The following DOCK9 variants were observed in gnomAD, a reference collection of about 807,000 sequenced individuals.
The protein encoded by DOCK9 is dedicator of cytokinesis 9.
A neutral mutation model predicts 263.3 loss-of-function variants in DOCK9; 89 were observed. That is an observed-to-expected ratio of 0.34 (90% CI 0.28 to 0.40). The LOEUF (loss-of-function observed/expected upper bound fraction) is 0.40. Among genes scored for constraint, DOCK9 ranks in the 10% least tolerant of loss-of-function variants. The pLI, the probability that DOCK9 is intolerant of heterozygous loss-of-function variation, is 1.00. For missense variants in DOCK9, 2,140 were observed against 2,603.4 expected (o/e 0.82, Z 3.87); for synonymous variants, 976 against 973.1 (o/e 1.00, Z -0.06).
chr13:98,889,715 A>G (rs2046331940), intron 15 of DOCK9, among the ~76,000 whole-genome samples: 1 of 151,770 alleles, frequency 6.6e-6, no homozygotes, highest in Non-Finnish European at 1.5e-5. Context: ...TCTTTCAACC[A>G]CCTATACTAC....
At chr13:99,045,316 T>C (rs1888863591) in intron 1 of DOCK9, among the ~76,000 whole-genome samples, 1 of 152,166 alleles carries the variant, frequency 6.6e-6, no homozygotes. Context: ...ATATACACAA[T>C]GAAATATCAT....
rs188113914 is a variant in DOCK9, at chr13:99,029,455, A to G, written c.129+56768T>C. The stretch of plus-strand genomic sequence containing the variant: ...TTTATATTTAATTATCTCTGTTAAA[A>G]TAAGTGGAATAACTTTTGTTTCTAT... On this transcript the variant is annotated intron_variant, in intron 1 of 32. Coordinates refer to the DOCK9 transcript ENST00000427887. Among the ~76,000 whole-genome samples, 72 of 152,356 alleles carry G rather than the reference A, an allele frequency of 4.7e-4. 2 individuals are homozygous for G. In the East Asian group the frequency reaches 0.013, roughly 27 times the overall value.
At chr13:98,981,082 G>T (rs574167851), upstream of DOCK9, among the ~76,000 whole-genome samples, 13 of 150,782 alleles carry the variant, frequency 8.6e-5, 1 homozygote, top group East Asian at 2.5e-3. Flanking sequence ...TTCAAGGCAG[G>T]GTTTGGCTCT....
intron 1 of DOCK9, among the ~76,000 whole-genome samples, chr13:98,986,443 C>T (rs1426499088): frequency 2.6e-5 from 4 of 152,196 alleles, no homozygotes; most frequent in African/African-American, 9.7e-5. Flanking sequence ...GTAAAGTCCA[C>T]CAGAAACTTT....
chr13:98,991,149 A>C (rs907405696), intron 1 of DOCK9, among the ~76,000 whole-genome samples: 3 of 151,508 alleles, frequency 2.0e-5, no homozygotes, highest in Admixed American at 6.6e-5. Flanking sequence ...TTGGCTCACC[A>C]CAACCTCCGC....
intron 1 of DOCK9, among the ~76,000 whole-genome samples, chr13:98,997,110 C>T (rs1339549351): frequency 2.6e-5 from 4 of 152,198 alleles, no homozygotes; most frequent in South Asian, 2.1e-4. Context: ...GAGGGCTTCT[C>T]GAATGTGTAG....
intron 52 of DOCK9, chr13:98,796,149 GTA>G: frequency 7.2e-7 from 1 of 1,388,114 alleles, no homozygotes; most frequent in South Asian, 1.2e-5. Flanking sequence ...ACTCAAAAAA[GTA>G]ATAGCTTTTT....
At chr13:99,023,221 A>T (rs913860735) in intron 1 of DOCK9, among the ~76,000 whole-genome samples, 1 of 152,238 alleles carries the variant, frequency 6.6e-6, no homozygotes, top group African/African-American at 2.4e-5. Flanking sequence ...CCAAGGGGCG[A>T]AAGCAACTGA....
intron 1 of DOCK9, among the ~76,000 whole-genome samples, chr13:99,032,345 G>A (rs536501773): frequency 5.3e-5 from 8 of 152,054 alleles, no homozygotes; most frequent in African/African-American, 1.2e-4. Flanking sequence ...AAGTGGCGGC[G>A]TGTGCCTGTA....
intron 1 of DOCK9, among the ~76,000 whole-genome samples, chr13:98,999,312 A>ACTCT (rs1317087020): frequency 2.7e-5 from 3 of 110,198 alleles, no homozygotes; most frequent in Non-Finnish European, 5.5e-5. Context: ...ACACACACAC[A>ACTCT]CACACTCTCT....
chr13:99,068,669 T>C (rs1191454483), intron 1 of DOCK9, among the ~76,000 whole-genome samples: 2 of 151,458 alleles, frequency 1.3e-5, no homozygotes, highest in East Asian at 3.8e-4. Flanking sequence ...CATCCTTCAG[T>C]TTAAAAAAAA....
At chr13:98,946,440 C>T (rs1198098269) in intron 2 of DOCK9, among the ~76,000 whole-genome samples, 1 of 152,152 alleles carries the variant, frequency 6.6e-6, no homozygotes, top group African/African-American at 2.4e-5. Context: ...CTCCCCCTGC[C>T]CCAGGCCAGC....
In DOCK9 at chr13:98,868,009, T is replaced by C. The variant is rs745617325; in HGVS notation, c.3093A>G (p.Arg1031=). ...AGCCCCTGTCCATGAAGGTGAAACA[T>C]CTCTGTGGAGGAAAACAAGCAAAAA... ...ANHSLAVFIK[R]CFTFMDRGFV... is the part of the protein sequence containing the mutation. The change falls in exon 29 of 53, where the codon AGA becomes AGG. Residue 1031 remains arginine, a splice_region_variant and synonymous_variant. Transcript: ENST00000682017. The C allele has an allele frequency of 1.9e-5, 30 of 1,613,062 alleles. No individual in the cohort carries two copies. In the Middle Eastern group the frequency reaches 1.3e-3, roughly 71 times the overall value.
At chr13:98,937,255 A>G (rs775513050) in intron 2 of DOCK9, among the ~76,000 whole-genome samples, 1 of 152,234 alleles carries the variant, frequency 6.6e-6, no homozygotes, top group Admixed American at 6.5e-5. Context: ...ATGGTTCTGA[A>G]AATTAAACCT....
chr13:99,008,968 T>C (rs1883986424), intron 1 of DOCK9, among the ~76,000 whole-genome samples: 1 of 152,250 alleles, frequency 6.6e-6, no homozygotes, highest in African/African-American at 2.4e-5. Context: ...ACTTGTTACA[T>C]ATATTTTTAT....
At chr13:98,854,788 T>C (rs952460288) in intron 34 of DOCK9, 1 of 152,180 alleles carries the variant, frequency 6.6e-6, no homozygotes, top group Non-Finnish European at 1.5e-5. Flanking sequence ...CAATACGTCA[T>C]GACACACCCA....
At chr13:98,976,393 TAA>T (rs5806087) in intron 1 of DOCK9, among the ~76,000 whole-genome samples, 21 of 150,498 alleles carry the variant, frequency 1.4e-4, no homozygotes, top group Admixed American at 2.6e-4. Flanking sequence ...CTTGTGTGCT[TAA>T]AAAAAAAAAA....
chr13:98,796,538 C>T (rs2089434294), intron 52 of DOCK9, among the ~76,000 whole-genome samples: 1 of 152,206 alleles, frequency 6.6e-6, no homozygotes, highest in African/African-American at 2.4e-5. Flanking sequence ...TGAGCCCACA[C>T]ATAGAATCCT....
intron 9 of DOCK9, among the ~76,000 whole-genome samples, chr13:98,905,330 G>A (rs1270820664): frequency 6.6e-6 from 1 of 152,188 alleles, no homozygotes; most frequent in East Asian, 1.9e-4. Context: ...TAGTCCCAAG[G>A]AACACCAGGT....
Sources: allele counts gnomAD v4.1 joint callset (sites outside exome capture counted in the v4.1 genomes callset), GRCh38; gene constraint gnomAD v4.1.1; transcripts MANE v1.5; gene names NCBI Gene and HGNC (gene_info 2026-07-23, HGNC 2026-07-21).